SDK1: variants seen among roughly 807,000 people sequenced by gnomAD.
SDK1 encodes protein sidekick-1.
Under a neutral mutation model 245.5 loss-of-function variants are expected in SDK1, and 157 were observed. That is an observed-to-expected ratio of 0.64 (90% CI 0.56 to 0.73). The LOEUF (loss-of-function observed/expected upper bound fraction) is 0.73, where lower values mean the gene tolerates loss of function less well. SDK1 is among the 30% of genes least tolerant of loss of function. The probability of loss-of-function intolerance (pLI) is 0.00; values close to 1 mark genes in which losing one functional copy is unlikely to be tolerated. For missense variants in SDK1, 3,583 were observed against 3,002.3 expected (o/e 1.19, Z -4.52); for synonymous variants, 1,647 against 1,278.5 (o/e 1.29, Z -6.15).
chr7:3,986,839 G>C (rs193205367), intron 13 of SDK1, among the ~76,000 whole-genome samples: 7 of 152,186 alleles, frequency 4.6e-5, no homozygotes, highest in African/African-American at 1.7e-4. Flanking sequence ...CAGGCTGGGC[G>C]ACAGAGCGAG....
intron 1 of SDK1, among the ~76,000 whole-genome samples, chr7:3,312,476 G>A (rs1779572913): frequency 6.6e-6 from 1 of 151,956 alleles, no homozygotes; most frequent in African/African-American, 2.4e-5. Context: ...AAAGGGGTAA[G>A]ATCATAATGA....
chr7:3,837,206 A>AAAGTAC (rs2115082320), intron 5 of SDK1, among the ~76,000 whole-genome samples: 1 of 152,296 alleles, frequency 6.6e-6, no homozygotes. Context: ...TTTCTTTCCT[A>AAAGTAC]AAGTACAGTA....
At chr7:4,103,085 C>G (rs535247678) in intron 22 of SDK1, among the ~76,000 whole-genome samples, 94 of 150,694 alleles carry the variant, frequency 6.2e-4, no homozygotes, top group Middle Eastern at 3.5e-3. Flanking sequence ...ACTGCAAGCT[C>G]CGCCTGCCGG....
chr7:3,752,198 C>T (rs1779794657), intron 4 of SDK1, among the ~76,000 whole-genome samples: 1 of 152,158 alleles, frequency 6.6e-6, no homozygotes, highest in African/African-American at 2.4e-5. Flanking sequence ...TCTCCATTAG[C>T]TTTTATTCAC....
At chr7:3,705,205 T>C (rs73302261) in intron 4 of SDK1, among the ~76,000 whole-genome samples, 4,353 of 152,104 alleles carry the variant, frequency 0.029, 199 homozygotes, top group African/African-American at 0.099. Flanking sequence ...TTTAGTATTT[T>C]TTTTTCTAAT....
chr7:3,803,067 A>T (rs933928261), intron 4 of SDK1, among the ~76,000 whole-genome samples: 14 of 152,136 alleles, frequency 9.2e-5, no homozygotes, highest in African/African-American at 3.4e-4. Context: ...CTGTGGCTAT[A>T]CTATTTTTCA....
chr7:3,944,266 C>G (rs1024790358), intron 5 of SDK1, among the ~76,000 whole-genome samples: 1 of 152,198 alleles, frequency 6.6e-6, no homozygotes, highest in Non-Finnish European at 1.5e-5. Flanking sequence ...GGATAACAAT[C>G]GTTATCTTAC....
intron 34 of SDK1, 23 bp from the exon 35 acceptor site, chr7:4,178,462 C>G (rs768308127): frequency 5.2e-6 from 8 of 1,542,590 alleles, no homozygotes; most frequent in Non-Finnish European, 7.2e-6. Context: ...GGAAGCTGAT[C>G]CATATTTCCT....
chr7:3,701,231 A>C (rs934889681), intron 4 of SDK1, among the ~76,000 whole-genome samples: 1 of 152,252 alleles, frequency 6.6e-6, no homozygotes, highest in Admixed American at 6.5e-5. Flanking sequence ...TAAATCCAAC[A>C]GAACATATAC....
At chr7:3,677,148 T>G (rs570823519) in intron 4 of SDK1, among the ~76,000 whole-genome samples, 1 of 152,316 alleles carries the variant, frequency 6.6e-6, no homozygotes, top group Non-Finnish European at 1.5e-5. Context: ...ACTTAAACCC[T>G]TGGAATTTCC....
At chr7:4,155,834 C>G (rs561312409) in intron 30 of SDK1, among the ~76,000 whole-genome samples, 2 of 152,220 alleles carry the variant, frequency 1.3e-5, no homozygotes, top group Admixed American at 1.3e-4. Context: ...GAGGCCGACT[C>G]GGTCCCTGTC....
At chr7:4,261,782 C>T (rs868679819) in intron 44 of SDK1, among the ~76,000 whole-genome samples, 1 of 152,184 alleles carries the variant, frequency 6.6e-6, no homozygotes, top group South Asian at 2.1e-4. Flanking sequence ...TCAGGTCTGC[C>T]TGACCCCTGT....
At chr7:4,201,382 T>G (rs1562424616) in intron 35 of SDK1, among the ~76,000 whole-genome samples, 1 of 152,184 alleles carries the variant, frequency 6.6e-6, no homozygotes, top group Non-Finnish European at 1.5e-5. Flanking sequence ...TTTCCCATAG[T>G]TCCTTAGGAA....
At chr7:3,746,057 A>G (rs1208662547) in intron 4 of SDK1, among the ~76,000 whole-genome samples, 2 of 152,176 alleles carry the variant, frequency 1.3e-5, no homozygotes, top group East Asian at 3.8e-4. Context: ...AGTTGAGAGG[A>G]TTAAAGAATA....
At chr7:4,096,248 A>C (rs1385500146) in intron 22 of SDK1, among the ~76,000 whole-genome samples, 2 of 152,228 alleles carry the variant, frequency 1.3e-5, no homozygotes, top group African/African-American at 4.8e-5. Flanking sequence ...GTCTGGAACC[A>C]GGCCTGGCTG....
At chr7:4,138,297 C>A (rs775927583) in intron 28 of SDK1, among the ~76,000 whole-genome samples, 1 of 152,122 alleles carries the variant, frequency 6.6e-6, no homozygotes, top group African/African-American at 2.4e-5. Context: ...TTGGGTCCAG[C>A]GGCACTGCCA....
intron 1 of SDK1, among the ~76,000 whole-genome samples, chr7:3,481,025 G>C (rs533579656): frequency 6.6e-6 from 1 of 152,150 alleles, no homozygotes; most frequent in Non-Finnish European, 1.5e-5. Flanking sequence ...TACCTATTCT[G>C]ACAATACTTG....
At chr7:3,701,499 G>C (rs73302257) in intron 4 of SDK1, among the ~76,000 whole-genome samples, 10,492 of 152,196 alleles carry the variant, frequency 0.069, 1,211 homozygotes, top group African/African-American at 0.24. Flanking sequence ...ACTTGGGACC[G>C]TGGGGCAGGT....
intron 44 of SDK1, among the ~76,000 whole-genome samples, chr7:4,247,566 G>A (rs567437392): frequency 1.8e-4 from 28 of 152,354 alleles, no homozygotes; most frequent in African/African-American, 6.7e-4. Flanking sequence ...TCAGCAAAGA[G>A]GCTCATCTCA....
Sources: allele counts gnomAD v4.1 joint callset (sites outside exome capture counted in the v4.1 genomes callset), GRCh38; gene constraint gnomAD v4.1.1; transcripts MANE v1.5; gene names NCBI Gene and HGNC (gene_info 2026-07-23, HGNC 2026-07-21).